ACSL3: variants seen among roughly 807,000 people sequenced by gnomAD.
The protein encoded by ACSL3 is acyl-CoA synthetase long chain family member 3, also known as fatty acid CoA ligase Acsl3.
Under a neutral mutation model 84.7 loss-of-function variants are expected in ACSL3, and 34 were observed. That is an observed-to-expected ratio of 0.40 (90% CI 0.31 to 0.53). ACSL3 has a LOEUF of 0.53. Ranked by LOEUF, ACSL3 falls within the 20% of genes least tolerant of loss-of-function variation. The pLI is 0.48. For missense variants in ACSL3, 680 were observed against 873.1 expected, an observed-to-expected ratio of 0.78 and a Z score of 2.79; for synonymous variants, 315 against 299.4, an observed-to-expected ratio of 1.05 and a Z score of -0.54.
chr2:222,894,093 G>A (rs1423961373), intron 2 of ACSL3, among the ~76,000 whole-genome samples: 1 of 152,142 alleles, frequency 6.6e-6, no homozygotes, highest in Admixed American at 6.5e-5. Flanking sequence ...TTATTTAATA[G>A]CAATTTTTAA....
chr2:222,911,442 A>G (rs1460561410), intron 4 of ACSL3, among the ~76,000 whole-genome samples: 1 of 152,236 alleles, frequency 6.6e-6, no homozygotes, highest in East Asian at 1.9e-4. Flanking sequence ...TTTTATGTGC[A>G]AAAGTTTTCT....
chr2:222,937,739 T>C (rs1697211575), intron 16 of ACSL3, among the ~76,000 whole-genome samples: 1 of 152,184 alleles, frequency 6.6e-6, no homozygotes, highest in Non-Finnish European at 1.5e-5. Context: ...TCTTGTTTTA[T>C]ATTCAGTTGG....
intron 16 of ACSL3, among the ~76,000 whole-genome samples, chr2:222,935,527 C>G (rs1388098074): frequency 1.3e-5 from 2 of 152,164 alleles, no homozygotes; most frequent in Non-Finnish European, 2.9e-5. Flanking sequence ...ACTTTTTAGT[C>G]TCTTCACATT....
intron 5 of ACSL3, chr2:222,917,836 A>G: frequency 2.8e-6 from 1 of 361,974 alleles, no homozygotes; most frequent in Non-Finnish European, 4.9e-6. Context: ...ATCTTTAAAA[A>G]TTGGAAATCT....
In ACSL3 at chr2:222,943,817, TA is replaced by T. The variant is rs1186064752; in HGVS notation, c.*2164del. 3 of 152,100 alleles carry T rather than the reference TA, an allele frequency of 2.0e-5. No individual in the cohort carries two copies. The highest frequency in any genetic ancestry group is 4.4e-5 in the Non-Finnish European group (3 of 67,970). The allele number at this position is 152,100 out of a possible 1,614,324, so 9.4% of individuals were successfully genotyped here. ...CTGTTCAATGAAAAAACCACTCAAT[TA>T]TGACTCATATAAGAAATACTGGTTT... On this transcript the variant is annotated 3_prime_UTR_variant, in exon 17 of 17. Transcript: ENST00000357430.
rs184545815 is a variant in ACSL3 at position 222,865,049 on chromosome 2, C to T, written c.-207+3791C>T. ...CATCCCTCAATAGAGTATATATTTT[C>T]ATCTGACTTTTGATTGTAATTTATT... is the stretch of plus-strand genomic sequence containing the variant. On this transcript the variant is annotated intron_variant, in intron 1 of 16. Coordinates refer to ENST00000357430, the MANE Select transcript of ACSL3 (RefSeq NM_004457.5). Among the ~76,000 whole-genome samples, 5 of 152,250 alleles carry T rather than the reference C, an allele frequency of 3.3e-5. No homozygotes were observed. In the East Asian group the frequency reaches 9.6e-4, roughly 29 times the overall value.
chr2:222,941,573 G>A lies in ACSL3; in HGVS notation c.2082G>A (p.Val694=). Reference sequence around the variant, plus strand: ...CGTGGACCCCTGAAACTGGTCTGGTGACAGATGCCTTCAAGCTGAAACGCA... The same window carrying A: ...CGTGGACCCCTGAAACTGGTCTGGTAACAGATGCCTTCAAGCTGAAACGCA... ...PEPWTPETGL[V]TDAFKLKRKE... is the part of the protein sequence containing the mutation. Residue 694 remains valine, a synonymous_variant, in exon 17 of 17, where the codon GTG becomes GTA. Transcript: ENST00000357430. 6.2e-7 allele frequency: 1 copy of A among 1,613,332 alleles called. No homozygotes were observed. The highest frequency in any genetic ancestry group is 8.5e-7 in the Non-Finnish European group (1 of 1,179,830).
intron 4 of ACSL3, among the ~76,000 whole-genome samples, chr2:222,912,420 T>C (rs1450036708): frequency 1.3e-5 from 2 of 152,246 alleles, no homozygotes; most frequent in East Asian, 3.8e-4. Context: ...GGTTAAGCTG[T>C]GTACTTTCTG....
At chr2:222,908,606 T>A in intron 3 of ACSL3, 127 bp from the exon 4 acceptor site, 1 of 584,192 alleles carries the variant, frequency 1.7e-6, no homozygotes, top group Non-Finnish European at 3.0e-6. Flanking sequence ...TATCAAGACA[T>A]TGTAGGGGAC....
At chr2:222,914,939 AC>A (rs1372727498) in intron 4 of ACSL3, among the ~76,000 whole-genome samples, 1 of 152,234 alleles carries the variant, frequency 6.6e-6, no homozygotes, top group Admixed American at 6.5e-5. Flanking sequence ...TGGAAATCTT[AC>A]GCTCATTTGA....
intron 1 of ACSL3, among the ~76,000 whole-genome samples, chr2:222,876,212 G>T (rs757613684): frequency 6.6e-5 from 10 of 152,208 alleles, no homozygotes; most frequent in Non-Finnish European, 1.3e-4. Flanking sequence ...AATCATAGGA[G>T]CAGCTTTGAT....
At chr2:222,874,347 A>C (rs1297011933) in intron 1 of ACSL3, among the ~76,000 whole-genome samples, 1 of 152,152 alleles carries the variant, frequency 6.6e-6, no homozygotes, top group Non-Finnish European at 1.5e-5. Flanking sequence ...TTATATATTG[A>C]AAACCAGAAG....
chr2:222,932,020 G>GT (rs1398011666), intron 14 of ACSL3, among the ~76,000 whole-genome samples: 1 of 152,194 alleles, frequency 6.6e-6, no homozygotes, highest in Non-Finnish European at 1.5e-5. Flanking sequence ...GAGCAACAGA[G>GT]TGAGACCCTG....
At position 222,884,083 on chromosome 2, in the gene ACSL3, T is replaced by C. The variant is rs370189318; in HGVS notation, c.-206-3747T>C. Reference sequence around the variant, plus strand: ...GTCTGCTGTTTGTCTCTTTCTTTGATAGTGATGGTTTTTCACAAATATCTG... The same window carrying C: ...GTCTGCTGTTTGTCTCTTTCTTTGACAGTGATGGTTTTTCACAAATATCTG... On this transcript the variant is annotated intron_variant, in intron 1 of 16. Transcript: ENST00000357430. 9.2e-5 allele frequency among the ~76,000 whole-genome samples: 14 copies of C among 152,338 alleles called. No individual in the cohort carries two copies. The East Asian group carries it at 2.1e-3, about 23-fold the overall frequency.
chr2:222,919,889 C>T (rs928285765), intron 7 of ACSL3, among the ~76,000 whole-genome samples: 2 of 152,132 alleles, frequency 1.3e-5, no homozygotes, highest in Non-Finnish European at 2.9e-5. Flanking sequence ...AAGTCTAGTA[C>T]TCGAGTTATG....
At chr2:222,914,364 G>A (rs1352352588) in intron 4 of ACSL3, among the ~76,000 whole-genome samples, 6 of 151,748 alleles carry the variant, frequency 4.0e-5, no homozygotes, top group African/African-American at 1.5e-4. Flanking sequence ...CCTGGGGTCA[G>A]GTGATCCTTT....
chr2:222,924,332 C>A, intron 10 of ACSL3, 124 bp from the exon 11 acceptor site: 1 of 814,120 alleles, frequency 1.2e-6, no homozygotes, highest in Non-Finnish European at 1.7e-6. Context: ...TGAATCACAT[C>A]CACAGTTGAA....
intron 2 of ACSL3, among the ~76,000 whole-genome samples, chr2:222,898,639 C>G (rs1275675567): frequency 6.6e-6 from 1 of 152,140 alleles, no homozygotes; most frequent in African/African-American, 2.4e-5. Flanking sequence ...CCGGCTAACA[C>G]AGTGAAACCC....
At chr2:222,884,596 G>A (rs1054791690) in intron 1 of ACSL3, among the ~76,000 whole-genome samples, 2 of 151,976 alleles carry the variant, frequency 1.3e-5, no homozygotes, top group African/African-American at 4.8e-5. Context: ...CCATCTTCAC[G>A]TCACCATCTC....
Sources: gnomAD v4.1 joint callset for allele counts (sites outside exome capture counted in the v4.1 genomes callset) on GRCh38, gnomAD v4.1.1 for gene constraint, MANE v1.5 for transcripts, NCBI Gene and HGNC (gene_info 2026-07-23, HGNC 2026-07-21) for gene names.